EML2: variants seen among roughly 807,000 people sequenced by gnomAD.
EML2 encodes EMAP like 2, also known as echinoderm microtubule-associated protein-like 2.
In EML2, 59 loss-of-function variants were observed where a neutral mutation model predicts 84.7. That is an observed-to-expected ratio of 0.70 (90% CI 0.56 to 0.86). The LOEUF (loss-of-function observed/expected upper bound fraction) is 0.86, where lower values mean the gene tolerates loss of function less well. Among genes scored for constraint, EML2 ranks in the 40% least tolerant of loss-of-function variants. The pLI is 0.00. For missense variants in EML2, 818 were observed against 855.6 expected (o/e 0.96, Z 0.55); for synonymous variants, 352 against 348.9 (o/e 1.01, Z -0.10).
intron 17 of EML2, 142 bp from the exon 18 acceptor site, chr19:45,613,813 A>C (rs1054477759): frequency 2.6e-5 from 27 of 1,051,108 alleles, no homozygotes; most frequent in African/African-American, 4.8e-5. Context: ...ATTACCTTAA[A>C]ATGTGAATCC....
chr19:45,637,667 CTTTTTTTTTTTTTTT>C (rs58180181), intron 3 of EML2, among the ~76,000 whole-genome samples: 6 of 48,894 alleles, frequency 1.2e-4, no homozygotes, highest in Non-Finnish European at 2.0e-4. Context: ...TTTTTCTTTT[CTTTTTTTTTTTTTTT>C]TTTTTTTTTT....
chr19:45,624,989 G>C (rs1375866004), intron 8 of EML2, among the ~76,000 whole-genome samples, 171 bp from the exon 9 acceptor site: 1 of 152,136 alleles, frequency 6.6e-6, no homozygotes, highest in Non-Finnish European at 1.5e-5. Context: ...GGCCTGCAGT[G>C]CTTCGGTGGC....
Position 45,624,738 on chromosome 19 carries a change from G to A in EML2, c.822C>T (p.Asn274=). The change falls in exon 9 of 19, where the codon AAC becomes AAT. Residue 274 remains asparagine, a synonymous_variant. Coordinates refer to ENST00000245925, the MANE Select transcript of EML2 (RefSeq NM_012155.4). ...GDVVTGDSGG[N]LYVWGKGGNR... Reference sequence around the variant, plus strand: ...ACTGACCTTTGCCCCAAACATAGAGGTTCCCCCCAGAGTCCCCCGTGACCA... The same window carrying A: ...ACTGACCTTTGCCCCAAACATAGAGATTCCCCCCAGAGTCCCCCGTGACCA... 1 of 1,613,768 alleles carries A rather than the reference G, an allele frequency of 6.2e-7. No homozygotes were observed. Among genetic ancestry groups the A allele is most frequent in the African/African-American group, 1.3e-5 (1 of 75,018 alleles).
At chr19:45,639,488 A>G (rs1974196784), upstream of EML2, 3 of 1,129,362 alleles carry the variant, frequency 2.7e-6, no homozygotes, top group Admixed American at 4.3e-5. Context: ...CTCCACAGCC[A>G]CCCCTGGAGC....
In EML2 at chr19:45,634,307, T is replaced by C. The variant is rs199728787; in HGVS notation, c.329+15A>G. 30 of 1,612,684 alleles carry C rather than the reference T, an allele frequency of 1.9e-5. No individual in the cohort carries two copies. Among genetic ancestry groups the C allele is most frequent in the Non-Finnish European group, 2.5e-5 (29 of 1,179,162 alleles). ...AGCCACAGCTCCCTCCCGTCCCCTCTGTCCCACATCTCACCATTTGATGTC... is the reference window on the plus strand; with the variant it reads ...AGCCACAGCTCCCTCCCGTCCCCTCCGTCCCACATCTCACCATTTGATGTC... On this transcript the variant is annotated intron_variant, in intron 4 of 18. Transcript: ENST00000245925.
upstream of EML2, chr19:45,642,270 G>C: frequency 6.5e-7 from 1 of 1,535,938 alleles, no homozygotes; most frequent in Non-Finnish European, 8.7e-7. Context: ...CCGCCAGCTC[G>C]TCTTCCTGTA....
chr19:45,612,116 G>A (rs528374470), intron 18 of EML2, among the ~76,000 whole-genome samples: 2 of 151,922 alleles, frequency 1.3e-5, no homozygotes, highest in East Asian at 3.9e-4. Flanking sequence ...GCTTAGTGGA[G>A]TGCAGTGGCG....
intron 16 of EML2, chr19:45,615,111 C>T: frequency 1.7e-5 from 3 of 180,536 alleles, no homozygotes; most frequent in Non-Finnish European, 3.5e-5. Flanking sequence ...CCAAGGCAGG[C>T]GGATCACCTG....
Position 45,619,102 on chromosome 19 carries a change from C to G in EML2, c.1212G>C (p.Trp404Cys), listed in dbSNP as rs1219973512. The change falls in exon 12 of 19, where the codon TGG (tryptophan) becomes TGC (cysteine). Residue 404 changes from tryptophan (W) to cysteine (C), a missense_variant. Transcript: ENST00000245925. The part of the protein sequence containing the change: ...TCGQDKLVHL[W>C]SSDSHQPLWS... ...ACAGGGGCTGGTGGGAATCTGAGCTCCATAGATGCACCAGCTTATCCTGCC... is the reference window on the plus strand; with the variant it reads ...ACAGGGGCTGGTGGGAATCTGAGCTGCATAGATGCACCAGCTTATCCTGCC... 1 of 1,613,438 alleles carries G rather than the reference C, an allele frequency of 6.2e-7. No homozygotes were observed. The highest frequency in any genetic ancestry group is 1.1e-5 in the South Asian group (1 of 91,044).
intron 6 of EML2, 127 bp from the exon 7 acceptor site, chr19:45,630,173 G>A: frequency 3.0e-6 from 2 of 676,516 alleles, no homozygotes. Context: ...CAGTAGGTGG[G>A]AGGATCGCTT....
chr19:45,642,935 A>C (rs1974699325), upstream of EML2: 1 of 151,484 alleles, frequency 6.6e-6, no homozygotes, highest in South Asian at 2.1e-4. Flanking sequence ...GCCGTGAGCC[A>C]AGATCGCGCC....
chr19:45,615,976 C>G (rs1046597216), intron 15 of EML2, 87 bp from the exon 16 acceptor site: 16 of 989,668 alleles, frequency 1.6e-5, no homozygotes, highest in Non-Finnish European at 2.5e-5. Flanking sequence ...AAGTGGAAGT[C>G]AAATACAGAG....
At position 45,613,652 on chromosome 19, in the gene EML2, C is replaced by T. The variant is rs1234298101; in HGVS notation, c.1713G>A (p.Ala571=). ...FGVFGIWSEG[A]DGTDINAVAR... ...CCACAGCGTTGATATCAGTGCCGTC[C>T]GCCCCCTCAGACCAGATCCCTGTGG... The change falls in exon 18 of 19, where the codon GCG becomes GCA. Residue 571 remains alanine, a synonymous_variant. Transcript: ENST00000245925. 17 of 1,613,886 alleles carry T rather than the reference C, an allele frequency of 1.1e-5. No individual in the cohort carries two copies. Among genetic ancestry groups the T allele is most frequent in the East Asian group, 2.2e-5 (1 of 44,890 alleles).
chr19:45,630,983 T>C lies in EML2; in HGVS notation c.511-937A>G, dbSNP rs1488263312. On this transcript the variant is annotated intron_variant, in intron 6 of 18. Coordinates refer to ENST00000245925, the MANE Select transcript of EML2 (RefSeq NM_012155.4). ...GATTCTCCTGTCTCTGCCTCTCAAG[T>C]AGCTGGCACATGCCACCACTGCCCT... Among the ~76,000 whole-genome samples, 3 of 152,292 alleles carry C rather than the reference T, an allele frequency of 2.0e-5. No individual in the cohort carries two copies. In the East Asian group the frequency reaches 5.8e-4, roughly 29 times the overall value.
chr19:45,622,484 G>A (rs1971828126), intron 9 of EML2, among the ~76,000 whole-genome samples: 1 of 152,168 alleles, frequency 6.6e-6, no homozygotes, highest in Non-Finnish European at 1.5e-5. Context: ...AGGCTGGAGT[G>A]CAGTGGTATG....
intron 6 of EML2, among the ~76,000 whole-genome samples, chr19:45,631,336 G>C (rs917370636): frequency 6.6e-6 from 1 of 152,040 alleles, no homozygotes; most frequent in Non-Finnish European, 1.5e-5. Context: ...CAGGAGACTG[G>C]CTGTTTTTTA....
At chr19:45,637,656 CTTTTTCTTTTCTTTTT>C (rs1973899188) in intron 3 of EML2, among the ~76,000 whole-genome samples, 1 of 98,842 alleles carries the variant, frequency 1.0e-5, no homozygotes, top group Non-Finnish European at 2.1e-5. Flanking sequence ...TTTTTTTTTT[CTTTTTCTTTTCTTTTT>C]TTTTTTTTTT....
rs544148518 is a variant in EML2, at chr19:45,633,324, C to T, written c.330-185G>A. Among the ~76,000 whole-genome samples the T allele has an allele frequency of 3.3e-5, 5 of 152,338 alleles. No individual in the cohort carries two copies. The South Asian group carries it at 8.3e-4, about 25-fold the overall frequency. On this transcript the variant is annotated intron_variant, in intron 4 of 18. Transcript: ENST00000245925. ...CGCTGGATCAGAAGCAAGACTTAGGCCTGGGGCCTCTAACTCAAATGCCAG... is the reference window on the plus strand; with the variant it reads ...CGCTGGATCAGAAGCAAGACTTAGGTCTGGGGCCTCTAACTCAAATGCCAG...
intron 7 of EML2, among the ~76,000 whole-genome samples, chr19:45,627,046 G>A (rs148791875): frequency 0.01 from 1,522 of 146,298 alleles, 30 homozygotes; most frequent in African/African-American, 0.037. Flanking sequence ...TGCAACCTCC[G>A]CCTCCTGGGT....
Sources: allele counts gnomAD v4.1 joint callset (sites outside exome capture counted in the v4.1 genomes callset), GRCh38; gene constraint gnomAD v4.1.1; transcripts MANE v1.5; gene names NCBI Gene and HGNC (gene_info 2026-07-23, HGNC 2026-07-21).